The following SPRED2 variants were observed in gnomAD, a reference collection of about 807,000 sequenced individuals.
The protein encoded by SPRED2 is sprouty-related, EVH1 domain-containing protein 2.
SPRED2 carries 47 observed loss-of-function variants against 43.0 expected under a neutral mutation model. The ratio of observed to expected loss-of-function variants is 1.09; its 90% CI spans 0.87 to 1.40. The LOEUF is 1.40. Ranked by LOEUF, SPRED2 falls within the 40% of genes most tolerant of loss-of-function variation. SPRED2 has a pLI of 0.00. For synonymous variants in SPRED2, 225 were observed against 225.7 expected (o/e 1.00, Z 0.03); for missense variants, 561 against 586.4 (o/e 0.96, Z 0.45).
At chr2:65,356,557 T>TTTGTG (rs1553421002) in intron 1 of SPRED2, among the ~76,000 whole-genome samples, 1 of 122,602 alleles carries the variant, frequency 8.2e-6, no homozygotes, top group African/African-American at 3.5e-5. Context: ...TTTTTTTTTT[T>TTTGTG]TGTGTGTGTG....
chr2:65,334,233 C>A (rs951675608), intron 3 of SPRED2: 5 of 473,230 alleles, frequency 1.1e-5, no homozygotes, highest in Non-Finnish European at 1.8e-5. Context: ...AGGCCAGGAG[C>A]CTTCTGGGCC....
chr2:65,426,090 C>A (rs1297605816), intron 1 of SPRED2, among the ~76,000 whole-genome samples: 1 of 152,208 alleles, frequency 6.6e-6, no homozygotes, highest in Non-Finnish European at 1.5e-5. Context: ...GTGATTTCTG[C>A]AGAGATTCTC....
At chr2:65,334,961 G>C (rs532875033) in intron 2 of SPRED2, among the ~76,000 whole-genome samples, 188 bp from the exon 3 acceptor site, 1 of 152,256 alleles carries the variant, frequency 6.6e-6, no homozygotes, top group African/African-American at 2.4e-5. Flanking sequence ...TCCGATCTTC[G>C]CTGCTCCCCA....
chr2:65,353,781 C>G (rs2104294008), intron 1 of SPRED2, among the ~76,000 whole-genome samples: 1 of 152,030 alleles, frequency 6.6e-6, no homozygotes, highest in Admixed American at 6.6e-5. Context: ...ATGTTAAATC[C>G]TAATTTAAAT....
chr2:65,327,957 C>T (rs1397409837), intron 4 of SPRED2, among the ~76,000 whole-genome samples: 1 of 151,908 alleles, frequency 6.6e-6, no homozygotes, highest in African/African-American at 2.4e-5. Flanking sequence ...TTGCTGACCT[C>T]GTGATCCGCC....
In SPRED2 at chr2:65,316,843, T is replaced by G; in HGVS notation, c.479A>C (p.Glu160Ala). 6.2e-7 allele frequency: 1 copy of G among 1,613,928 alleles called. No individual in the cohort carries two copies. Among genetic ancestry groups the G allele is most frequent in the Non-Finnish European group, 8.5e-7 (1 of 1,179,976 alleles). ...DSSSNSSQKREQPTRTISSPT... is the reference protein window; with the variant it reads ...DSSSNSSQKRAQPTRTISSPT... ...AGAGGAGATTGTCCGAGTAGGTTGC[T>G]CTCTCTTCTGAGAGGAATTAGAAGA... Residue 160 changes from glutamate (E) to alanine (A), a missense_variant, in exon 5 of 6, where the codon GAG (glutamate) becomes GCG (alanine). Transcript: ENST00000356388.
At chr2:65,351,772 G>C (rs1265048533) in intron 1 of SPRED2, among the ~76,000 whole-genome samples, 1 of 152,166 alleles carries the variant, frequency 6.6e-6, no homozygotes, top group Non-Finnish European at 1.5e-5. Flanking sequence ...TGCTTCAGTA[G>C]AATCAAATGT....
chr2:65,317,160 CG>C (rs954126778), intron 4 of SPRED2, among the ~76,000 whole-genome samples: 6 of 152,022 alleles, frequency 3.9e-5, no homozygotes, highest in African/African-American at 1.4e-4. Flanking sequence ...TGACTGGGTG[CG>C]GGGGGAAAGG....
chr2:65,423,930 C>G (rs1007765590), intron 1 of SPRED2, among the ~76,000 whole-genome samples: 1 of 152,120 alleles, frequency 6.6e-6, no homozygotes, highest in African/African-American at 2.4e-5. Context: ...GCTGGGATTA[C>G]AGGCATGTGC....
rs552071702 is a variant in SPRED2, at chr2:65,392,879, A to T, written c.26+39083T>A. 5.9e-5 allele frequency among the ~76,000 whole-genome samples: 9 copies of T among 152,284 alleles called. No homozygotes were observed. In the East Asian group the frequency reaches 1.7e-3, roughly 29 times the overall value. On this transcript the variant is annotated intron_variant, in intron 1 of 5. Coordinates refer to ENST00000356388, the MANE Select transcript of SPRED2 (RefSeq NM_181784.3). ...TCGGGGAAGACTGTTGAGAGTGGCA[A>T]GGATGAGGGACGGAAGCAGAGGGCA...
intron 1 of SPRED2, among the ~76,000 whole-genome samples, chr2:65,381,413 A>G (rs893582194): frequency 2.6e-5 from 4 of 152,144 alleles, no homozygotes; most frequent in Non-Finnish European, 5.9e-5. Flanking sequence ...TTCCCTGCCC[A>G]CCAATTTCTA....
chr2:65,349,960 G>C (rs1183591647), intron 1 of SPRED2, among the ~76,000 whole-genome samples: 1 of 152,232 alleles, frequency 6.6e-6, no homozygotes, highest in Non-Finnish European at 1.5e-5. Flanking sequence ...AAACAAGGCA[G>C]GGGGATAAAG....
downstream of SPRED2, among the ~76,000 whole-genome samples, chr2:65,308,158 C>G (rs1384212595): frequency 6.6e-6 from 1 of 152,196 alleles, no homozygotes; most frequent in Admixed American, 6.5e-5. Context: ...GGAGGAAGGG[C>G]AGAGGCGTGA....
At chr2:65,401,937 G>GCGCGCACACACACACA (rs776512353) in intron 1 of SPRED2, among the ~76,000 whole-genome samples, 2,269 of 114,670 alleles carry the variant, frequency 0.02, 29 homozygotes, top group Middle Eastern at 0.059. Flanking sequence ...GCGCGCGCGC[G>GCGCGCACACACACACA]CACACACACA....
intron 5 of SPRED2, among the ~76,000 whole-genome samples, chr2:65,315,857 A>G (rs1412536038): frequency 2.0e-5 from 3 of 152,110 alleles, no homozygotes; most frequent in Non-Finnish European, 2.9e-5. Context: ...ACGGGGTTTC[A>G]CCGTGTTAAC....
chr2:65,358,253 T>C (rs1674713376), intron 1 of SPRED2, among the ~76,000 whole-genome samples: 1 of 152,010 alleles, frequency 6.6e-6, no homozygotes, highest in African/African-American at 2.4e-5. Flanking sequence ...AGCAAGAAAA[T>C]GATGAAAATT....
At position 65,362,363 on chromosome 2, in the gene SPRED2, G is replaced by A. The variant is rs565478645; in HGVS notation, c.27-17467C>T. 2.8e-3 allele frequency among the ~76,000 whole-genome samples: 419 copies of A among 151,910 alleles called. 3 individuals carry two copies. Among genetic ancestry groups the A allele is most frequent in the African/African-American group, 9.2e-3 (383 of 41,456 alleles). The stretch of plus-strand genomic sequence containing the variant: ...GGGCTCACTGCAAGCTCCGCCTCCC[G>A]GGTTCACGCCATTCTCCTGCCTCAG... On this transcript the variant is annotated intron_variant, in intron 1 of 5. Transcript: ENST00000356388.
chr2:65,402,023 A>C (rs1675913635), intron 1 of SPRED2, among the ~76,000 whole-genome samples: 1 of 150,910 alleles, frequency 6.6e-6, no homozygotes. Flanking sequence ...TTTCATCACC[A>C]GGAGGATCAG....
rs192514485 is a variant in SPRED2, at chr2:65,371,081, C to A, written c.27-26185G>T. Among the ~76,000 whole-genome samples the A allele has an allele frequency of 5.9e-5, 9 of 152,294 alleles. No homozygotes were observed. The East Asian group carries it at 1.7e-3, about 29-fold the overall frequency. ...GAAATGAGGGCTACAGCCACCCTGTCGCTGCCCGTAAGAGCTCAGTAAGGA... is the reference window on the plus strand; with the variant it reads ...GAAATGAGGGCTACAGCCACCCTGTAGCTGCCCGTAAGAGCTCAGTAAGGA... On this transcript the variant is annotated intron_variant, in intron 1 of 5. Coordinates refer to ENST00000356388, the MANE Select transcript of SPRED2 (RefSeq NM_181784.3).
Sources: gnomAD v4.1 joint callset for allele counts (sites outside exome capture counted in the v4.1 genomes callset) on GRCh38, gnomAD v4.1.1 for gene constraint, MANE v1.5 for transcripts, NCBI Gene and HGNC (gene_info 2026-07-23, HGNC 2026-07-21) for gene names.